The following ADGRA3 variants were observed in gnomAD, a reference collection of about 807,000 sequenced individuals.
ADGRA3 encodes the protein G-protein coupled receptor 125.
Under a neutral mutation model 119.8 loss-of-function variants are expected in ADGRA3, and 56 were observed. The ratio of observed to expected loss-of-function variants is 0.47; its 90% CI spans 0.38 to 0.58. The LOEUF is 0.58. Ranked by LOEUF, ADGRA3 falls within the 20% of genes least tolerant of loss-of-function variation. The probability of loss-of-function intolerance (pLI) is 0.00; values close to 1 mark genes in which losing one functional copy is unlikely to be tolerated. For synonymous variants in ADGRA3, 607 were observed against 623.8 expected, an observed-to-expected ratio of 0.97 and a Z score of 0.40; for missense variants, 1,516 against 1,649.0, an observed-to-expected ratio of 0.92 and a Z score of 1.40.
chr4:22,430,182 G>A (rs1213026729), intron 10 of ADGRA3, among the ~76,000 whole-genome samples: 5 of 152,108 alleles, frequency 3.3e-5, no homozygotes, highest in Non-Finnish European at 7.3e-5. Flanking sequence ...CCAGTCTCAG[G>A]TATGTCTTTA....
At chr4:22,510,628 G>T (rs1257313005) in intron 1 of ADGRA3, among the ~76,000 whole-genome samples, 1 of 151,948 alleles carries the variant, frequency 6.6e-6, no homozygotes, top group Non-Finnish European at 1.5e-5. Context: ...TCCACTATTC[G>T]TCCGATACCG....
chr4:22,413,075 TA>T (rs74406494), intron 14 of ADGRA3, 106 bp downstream of exon 14: 8,972 of 719,984 alleles, frequency 0.012, 46 homozygotes, highest in African/African-American at 0.058. Flanking sequence ...ATGTTAAAAG[TA>T]AAAAAAAAAA....
intron 1 of ADGRA3, among the ~76,000 whole-genome samples, chr4:22,498,631 G>T (rs1340282707): frequency 6.7e-6 from 1 of 150,316 alleles, no homozygotes; most frequent in Non-Finnish European, 1.5e-5. Flanking sequence ...AAGAAAAAAG[G>T]AGGGCCAGGC....
intron 16 of ADGRA3, among the ~76,000 whole-genome samples, chr4:22,397,627 C>T (rs913771844): frequency 5.3e-5 from 8 of 152,110 alleles, no homozygotes; most frequent in African/African-American, 1.9e-4. Context: ...TCCTATCTGT[C>T]ATGGGAGGGA....
At chr4:22,429,129 G>T (rs1421179626) in intron 10 of ADGRA3, among the ~76,000 whole-genome samples, 1 of 152,062 alleles carries the variant, frequency 6.6e-6, no homozygotes, top group African/African-American at 2.4e-5. Context: ...AAAAAAAACT[G>T]AACAATAAAT....
chr4:22,442,155 T>C (rs1210100193), intron 7 of ADGRA3, among the ~76,000 whole-genome samples: 1 of 152,200 alleles, frequency 6.6e-6, no homozygotes, highest in Non-Finnish European at 1.5e-5. Context: ...TAGTCTATTA[T>C]ACTTTATAAA....
intron 5 of ADGRA3, 148 bp downstream of exon 5, chr4:22,447,292 T>A (rs1475285050): frequency 5.7e-5 from 33 of 575,668 alleles, no homozygotes; most frequent in Non-Finnish European, 8.9e-5. Context: ...TACTGTATGT[T>A]TTTCAATGTG....
intron 14 of ADGRA3, among the ~76,000 whole-genome samples, chr4:22,403,930 T>A (rs1017036270): frequency 2.6e-5 from 4 of 152,160 alleles, no homozygotes; most frequent in African/African-American, 9.7e-5. Context: ...CCTTAAGGAT[T>A]AGATTCAAAG....
chr4:22,422,472 T>A (rs1230417661), intron 11 of ADGRA3, among the ~76,000 whole-genome samples: 1 of 152,194 alleles, frequency 6.6e-6, no homozygotes, highest in East Asian at 1.9e-4. Context: ...TCAACTTATT[T>A]GTTAATAATG....
chr4:22,413,080 AAAAAAAAAAAAC>A, intron 14 of ADGRA3, 90 bp downstream of exon 14: 1 of 870,402 alleles, frequency 1.1e-6, no homozygotes, highest in Non-Finnish European at 1.8e-6. Flanking sequence ...AAAAGTAAAA[AAAAAAAAAAAAC>A]AAAAAACAAA....
At chr4:22,428,388 A>C (rs769940542) in intron 10 of ADGRA3, among the ~76,000 whole-genome samples, 13 of 152,076 alleles carry the variant, frequency 8.5e-5, no homozygotes, top group Non-Finnish European at 1.8e-4. Flanking sequence ...TCACATACCC[A>C]GTAAAAATAT....
At chr4:22,437,118 T>C (rs1010909781) in intron 8 of ADGRA3, among the ~76,000 whole-genome samples, 1 of 152,174 alleles carries the variant, frequency 6.6e-6, no homozygotes, top group Non-Finnish European at 1.5e-5. Context: ...AAATATCATA[T>C]TAGGATTATT....
intron 1 of ADGRA3, among the ~76,000 whole-genome samples, chr4:22,496,124 C>T (rs61793400): frequency 0.082 from 12,546 of 152,128 alleles, 665 homozygotes; most frequent in Middle Eastern, 0.12. Context: ...AAGTGAAAAG[C>T]GGTACCTCAA....
At chr4:22,487,738 G>A (rs4697014) in intron 1 of ADGRA3, among the ~76,000 whole-genome samples, 70,488 of 151,992 alleles carry the variant, frequency 0.46, 18,137 homozygotes, top group East Asian at 0.6. Context: ...AAATGCATTC[G>A]GCAAGCACTA....
chr4:22,454,731 T>G, intron 4 of ADGRA3, 135 bp downstream of exon 4: 5 of 664,444 alleles, frequency 7.5e-6, no homozygotes, highest in East Asian at 2.8e-5. Flanking sequence ...GATTAAATTG[T>G]GAGCTCCTTG....
intron 1 of ADGRA3, among the ~76,000 whole-genome samples, chr4:22,508,233 C>G (rs73114188): frequency 3.6e-3 from 542 of 152,270 alleles, no homozygotes; most frequent in African/African-American, 0.012. Context: ...AATGCCAGAA[C>G]AGTGAAGAGT....
rs1349153539 is a variant in ADGRA3, at chr4:22,474,409, G to T, written c.258-566C>A. On this transcript the variant is annotated intron_variant, in intron 1 of 18. Transcript: ENST00000334304. Reference sequence around the variant, plus strand: ...GCAGCTGAATCATAATATATCTCATGCTTTTGGGCAATGTTTATCAAAATT... The same window carrying T: ...GCAGCTGAATCATAATATATCTCATTCTTTTGGGCAATGTTTATCAAAATT... Among the ~76,000 whole-genome samples, 7 of 152,248 alleles carry T rather than the reference G, an allele frequency of 4.6e-5. No individual in the cohort carries two copies. The South Asian group carries it at 8.3e-4, about 18-fold the overall frequency.
chr4:22,422,757 A>G (rs550880769), intron 11 of ADGRA3, among the ~76,000 whole-genome samples: 3 of 152,132 alleles, frequency 2.0e-5, no homozygotes, highest in Admixed American at 2.0e-4. Context: ...GAAAGGGGGG[A>G]AGTTCTTTCA....
intron 1 of ADGRA3, among the ~76,000 whole-genome samples, chr4:22,486,669 T>C (rs945665951): frequency 1.3e-5 from 2 of 152,142 alleles, no homozygotes; most frequent in Non-Finnish European, 2.9e-5. Flanking sequence ...CTAACCTATT[T>C]TGTATTTAGG....
Sources: allele counts gnomAD v4.1 joint callset (sites outside exome capture counted in the v4.1 genomes callset), GRCh38; gene constraint gnomAD v4.1.1; transcripts MANE v1.5; gene names NCBI Gene and HGNC (gene_info 2026-07-23, HGNC 2026-07-21).